Variants in DCLRE1C observed in about 807,000 individuals in gnomAD.
DCLRE1C encodes the protein DNA cross-link repair 1C.
In DCLRE1C, 47 loss-of-function variants were observed where a neutral mutation model predicts 61.4. The observed-to-expected ratio is 0.77, with a 90% confidence interval of 0.61 to 0.98. The LOEUF is 0.98. DCLRE1C is among the 50% of genes least tolerant of loss of function. The pLI, the probability that DCLRE1C is intolerant of heterozygous loss-of-function variation, is 0.00. For synonymous variants in DCLRE1C, 337 were observed against 287.6 expected (o/e 1.17, Z -1.74); for missense variants, 858 against 816.0 (o/e 1.05, Z -0.63).
chr10:14,933,599 T>C (rs1466783930), intron 8 of DCLRE1C, among the ~76,000 whole-genome samples: 1 of 151,598 alleles, frequency 6.6e-6, no homozygotes, highest in African/African-American at 2.4e-5. Context: ...ACCGTGCCAC[T>C]GCACTCCAGC....
At chr10:14,937,344 G>T (rs1840113373) in intron 4 of DCLRE1C, among the ~76,000 whole-genome samples, 1 of 145,732 alleles carries the variant, frequency 6.9e-6, no homozygotes, top group African/African-American at 2.6e-5. Context: ...GGAGTGCGAT[G>T]GTGTGATCTT....
downstream of DCLRE1C, chr10:14,899,836 G>A: frequency 1.1e-6 from 1 of 940,092 alleles, no homozygotes; most frequent in Non-Finnish European, 1.5e-6. Flanking sequence ...GTTAAGTTAT[G>A]GTATTATTGC....
At chr10:14,923,358 G>A (rs143097570) in intron 11 of DCLRE1C, 103 of 353,426 alleles carry the variant, frequency 2.9e-4, no homozygotes, top group African/African-American at 1.8e-3. Flanking sequence ...ATCACCAATG[G>A]GACTCAAAGA....
At position 14,935,525 on chromosome 10, in the gene DCLRE1C, T is replaced by C. The variant is rs776459244; in HGVS notation, c.402A>G (p.Thr134=). The C allele has an allele frequency of 9.9e-6, 16 of 1,614,014 alleles. No individual in the cohort carries two copies. The highest frequency in any genetic ancestry group is 1.3e-5 in the Non-Finnish European group (15 of 1,179,998). Residue 134 remains threonine, a synonymous_variant, in exon 6 of 14, where the codon ACA becomes ACG. Transcript: ENST00000378278. ...FQGNNGTVLY[T]GDFRLAQGEA... ...CTCCTTGCGCCAATCTGAAGTCTCC[T>C]GTGTACAGGACAGTTCCATTATTGC...
At chr10:14,927,534 T>A (rs1838218989) in intron 10 of DCLRE1C, among the ~76,000 whole-genome samples, 1 of 137,156 alleles carries the variant, frequency 7.3e-6, no homozygotes, top group South Asian at 2.4e-4. Flanking sequence ...TGACATCAGT[T>A]TTTCCTCTTA....
Position 14,907,822 on chromosome 10 carries a change from T to G in DCLRE1C, c.*586A>C, listed in dbSNP as rs1394912857. 6.6e-6 allele frequency: 1 copy of G among 152,254 alleles called. No homozygotes were observed. Among genetic ancestry groups the G allele is most frequent in the Non-Finnish European group, 1.5e-5 (1 of 68,302 alleles). The allele number at this position is 152,254 out of a possible 1,614,324, so 9.4% of individuals were successfully genotyped here. A position where few individuals can be genotyped will look rare whatever the true frequency, so the allele number is the denominator to read the frequency against. On this transcript the variant is annotated 3_prime_UTR_variant, in exon 14 of 14. Coordinates refer to ENST00000378278, the MANE Select transcript of DCLRE1C (RefSeq NM_001033855.3). ...GACCATTTACATTTAATGTAATCAT[T>G]GATACGTATGGGTTTAGTTCTACCA...
intron 8 of DCLRE1C, 49 bp from the exon 9 acceptor site, chr10:14,933,004 T>A (rs1564434249): frequency 1.3e-6 from 2 of 1,597,188 alleles, no homozygotes; most frequent in Non-Finnish European, 1.7e-6. Context: ...GTATTTCCTA[T>A]AAATTGTTCA....
chr10:14,951,613 A>C (rs1842477166), intron 1 of DCLRE1C, among the ~76,000 whole-genome samples: 1 of 152,060 alleles, frequency 6.6e-6, no homozygotes, highest in South Asian at 2.1e-4. Context: ...GAAGCTGGGA[A>C]GATCAAGATG....
intron 13 of DCLRE1C, among the ~76,000 whole-genome samples, chr10:14,910,924 A>G (rs1487090171): frequency 6.6e-6 from 1 of 152,204 alleles, no homozygotes; most frequent in Non-Finnish European, 1.5e-5. Flanking sequence ...GCTTCATAAC[A>G]GATTCCAGTC....
intron 13 of DCLRE1C, among the ~76,000 whole-genome samples, chr10:14,917,169 G>A (rs1372806990): frequency 1.3e-5 from 2 of 152,100 alleles, no homozygotes; most frequent in African/African-American, 4.8e-5. Context: ...TCCAACAAAT[G>A]GTTTAAGAAC....
downstream of DCLRE1C, chr10:14,903,890 T>C (rs1834181371): frequency 6.6e-6 from 1 of 152,224 alleles, no homozygotes; most frequent in South Asian, 2.1e-4. Flanking sequence ...AATCTTTAGC[T>C]CTTTCTTGGG....
chr10:14,921,993 C>T (rs985247256), intron 12 of DCLRE1C, among the ~76,000 whole-genome samples: 2 of 152,202 alleles, frequency 1.3e-5, no homozygotes, highest in African/African-American at 4.8e-5. Context: ...AAGCAGATTC[C>T]CTGACACGGG....
chr10:14,926,055 G>A (rs1589004856), intron 11 of DCLRE1C, among the ~76,000 whole-genome samples: 1 of 152,318 alleles, frequency 6.6e-6, no homozygotes, highest in East Asian at 1.9e-4. Context: ...TGTTTGCTAT[G>A]ATTGTAAATT....
chr10:14,931,652 C>T (rs1839013032), intron 9 of DCLRE1C, among the ~76,000 whole-genome samples: 2 of 152,094 alleles, frequency 1.3e-5, no homozygotes, highest in Admixed American at 1.3e-4. Flanking sequence ...ACCATCAAGA[C>T]ATGAAACTAT....
At chr10:14,938,087 C>A (rs1401382987) in intron 4 of DCLRE1C, among the ~76,000 whole-genome samples, 1 of 152,072 alleles carries the variant, frequency 6.6e-6, no homozygotes, top group Non-Finnish European at 1.5e-5. Context: ...AGTCTCCATT[C>A]ATTCTGGAGG....
chr10:14,948,342 G>C (rs1186579760), intron 2 of DCLRE1C, among the ~76,000 whole-genome samples: 5 of 152,178 alleles, frequency 3.3e-5, no homozygotes, highest in African/African-American at 1.2e-4. Flanking sequence ...ACATCCACTG[G>C]CCCTTTTCAA....
At chr10:14,917,869 C>G (rs1836463328) in intron 13 of DCLRE1C, among the ~76,000 whole-genome samples, 1 of 152,108 alleles carries the variant, frequency 6.6e-6, no homozygotes, top group Non-Finnish European at 1.5e-5. Flanking sequence ...ATAGACACTT[C>G]ACCAATGAAG....
chr10:14,932,486 A>C (rs915606722), intron 9 of DCLRE1C, among the ~76,000 whole-genome samples: 3 of 151,956 alleles, frequency 2.0e-5, no homozygotes, highest in Admixed American at 6.6e-5. Context: ...AATAACAAAA[A>C]ATTAGCCGTG....
downstream of DCLRE1C, chr10:14,902,459 G>A (rs781778996): frequency 4.3e-6 from 7 of 1,609,770 alleles, no homozygotes; most frequent in Admixed American, 1.7e-5. Context: ...CAAAAAGAGG[G>A]TCAGAACAGT....
Sources: allele counts gnomAD v4.1 joint callset (sites outside exome capture counted in the v4.1 genomes callset), GRCh38; gene constraint gnomAD v4.1.1; transcripts MANE v1.5; gene names NCBI Gene and HGNC (gene_info 2026-07-23, HGNC 2026-07-21).